The following FAM3B variants were observed in gnomAD, a reference collection of about 807,000 sequenced individuals.
FAM3B encodes the protein protein FAM3B.
A neutral mutation model predicts 28.4 loss-of-function variants in FAM3B; 29 were observed. The ratio of observed to expected loss-of-function variants is 1.02; its 90% CI spans 0.76 to 1.39. The LOEUF (loss-of-function observed/expected upper bound fraction) is 1.39. Ranked by LOEUF, FAM3B falls within the 40% of genes most tolerant of loss-of-function variation. The pLI, the probability that FAM3B is intolerant of heterozygous loss-of-function variation, is 0.00. For synonymous variants in FAM3B, 91 were observed against 103.0 expected, an observed-to-expected ratio of 0.88 and a Z score of 0.71; for missense variants, 266 against 293.9, an observed-to-expected ratio of 0.91 and a Z score of 0.69.
rs755786039 is a variant in FAM3B at position 41,326,647 on chromosome 21, G to A, written c.163+3581G>A. On this transcript the variant is annotated intron_variant, in intron 2 of 7. Coordinates refer to ENST00000357985, the MANE Select transcript of FAM3B (RefSeq NM_058186.4). The surrounding 1 kb of genome is among the most constrained non-coding windows in gnomAD (Gnocchi z 4.0). ...ACCTGCTCGTTCTGCTGCCGATCCCGTAGGGGAAGTCCCTGGGGAGAGCAT... is the reference window on the plus strand; with the variant it reads ...ACCTGCTCGTTCTGCTGCCGATCCCATAGGGGAAGTCCCTGGGGAGAGCAT... 3.3e-5 allele frequency among the ~76,000 whole-genome samples: 5 copies of A among 152,238 alleles called. No individual in the cohort carries two copies. The highest frequency in any genetic ancestry group is 3.8e-4 in the East Asian group (2 of 5,196).
In FAM3B at chr21:41,348,707, G is replaced by A. The variant is rs534909446; in HGVS notation, c.601G>A (p.Glu201Lys). ...AGCAAAAGGCTTGGAACTCCCTTCC[G>A]AAATTCAGAGAGAAAAGGTGAGTGG... Reference protein sequence around the residue: ...IAAKGLELPSEIQREKINHSD... With the variant: ...IAAKGLELPSKIQREKINHSD... The change falls in exon 7 of 8, where the codon GAA (glutamate) becomes AAA (lysine). Residue 201 changes from glutamate to lysine, a missense_variant. Physicochemically the swap from Glu to Lys is moderately conservative, Grantham distance 56. Coordinates refer to ENST00000357985, the MANE Select transcript of FAM3B (RefSeq NM_058186.4). 2.7e-5 allele frequency: 44 copies of A among 1,614,196 alleles called. No individual in the cohort carries two copies. The highest frequency in any genetic ancestry group is 1.6e-4 in the Middle Eastern group (1 of 6,062).
chr21:41,317,975 G>A (rs1318955363), intron 1 of FAM3B, among the ~76,000 whole-genome samples: 1 of 152,110 alleles, frequency 6.6e-6, no homozygotes, highest in African/African-American at 2.4e-5. Flanking sequence ...TTAGGGCACC[G>A]ACTTTCATTA....
At chr21:41,330,979 A>T (rs190341460) in intron 2 of FAM3B, among the ~76,000 whole-genome samples, 2 of 152,348 alleles carry the variant, frequency 1.3e-5, no homozygotes, top group African/African-American at 4.8e-5. Context: ...TTGCTTTATC[A>T]TATATTCTAC....
intron 2 of FAM3B, among the ~76,000 whole-genome samples, chr21:41,331,592 T>C (rs1601358830): frequency 6.6e-6 from 1 of 152,190 alleles, no homozygotes; most frequent in Non-Finnish European, 1.5e-5. Flanking sequence ...GTCATTAATT[T>C]ATTTTGAGTT....
chr21:41,331,175 T>G (rs948945878), intron 2 of FAM3B, among the ~76,000 whole-genome samples: 4 of 152,264 alleles, frequency 2.6e-5, no homozygotes, highest in Admixed American at 2.0e-4. Context: ...TGCATTGCCC[T>G]GATTATTAGT....
intron 1 of FAM3B, 40 bp downstream of exon 1, chr21:41,316,938 G>T: frequency 7.6e-7 from 1 of 1,310,280 alleles, no homozygotes; most frequent in Non-Finnish European, 9.7e-7. Flanking sequence ...TAGGGGCGGG[G>T]AAGGAGGACC....
At position 41,338,443 on chromosome 21, in the gene FAM3B, A is replaced by G; in HGVS notation, c.229A>G (p.Arg77Gly). 1.9e-6 allele frequency: 3 copies of G among 1,614,194 alleles called. No individual in the cohort carries two copies. The highest frequency in any genetic ancestry group is 2.5e-6 in the Non-Finnish European group (3 of 1,180,010). Residue 77 changes from arginine to glycine, a missense_variant, in exon 3 of 8, where the codon AGG becomes GGG. Arg to Gly is a moderately radical substitution (Grantham distance 125). Coordinates refer to ENST00000357985, the MANE Select transcript of FAM3B (RefSeq NM_058186.4). ...CTGCCCATCTGACACCTATGCCTAC[A>G]GGTTACTCAGCGGAGGTGGCAGAAG... is the stretch of plus-strand genomic sequence containing the variant. The part of the protein sequence containing the change: ...TPCPSDTYAY[R>G]LLSGGGRSKY...
chr21:41,322,156 T>C (rs1354779547), intron 1 of FAM3B, among the ~76,000 whole-genome samples: 1 of 152,106 alleles, frequency 6.6e-6, no homozygotes, highest in Non-Finnish European at 1.5e-5. Flanking sequence ...CTAAAAGCCC[T>C]GGCCATGGGT....
intron 2 of FAM3B, among the ~76,000 whole-genome samples, chr21:41,323,515 A>T (rs1032871785): frequency 2.0e-5 from 3 of 152,224 alleles, no homozygotes; most frequent in African/African-American, 4.8e-5. Context: ...CGGTGAACAC[A>T]CGGCCTCAAC....
At chr21:41,352,294 C>T (rs2089127840) in intron 7 of FAM3B, among the ~76,000 whole-genome samples, 1 of 152,160 alleles carries the variant, frequency 6.6e-6, no homozygotes, top group Non-Finnish European at 1.5e-5. Context: ...ATGCCTCCCT[C>T]CATGCAGGGG....
At chr21:41,308,500 C>T (rs2088693063) in intron 1 of FAM3B, among the ~76,000 whole-genome samples, 1 of 151,796 alleles carries the variant, frequency 6.6e-6, no homozygotes, top group Admixed American at 6.6e-5. Flanking sequence ...AGTTTGGGTG[C>T]CAGTCTTTTG....
At chr21:41,338,721 G>A (rs988004955) in intron 3 of FAM3B, among the ~76,000 whole-genome samples, 1 of 152,208 alleles carries the variant, frequency 6.6e-6, no homozygotes, top group Admixed American at 6.5e-5. Context: ...TGTGTTTAAT[G>A]GTTTTACGGT....
chr21:41,315,546 C>G (rs1454200763), upstream of FAM3B, among the ~76,000 whole-genome samples: 1 of 152,090 alleles, frequency 6.6e-6, no homozygotes, highest in African/African-American at 2.4e-5. Context: ...TTAAGGGAGT[C>G]GTTCCAACTA....
chr21:41,316,260 C>T (rs1175514128), upstream of FAM3B, among the ~76,000 whole-genome samples: 2 of 152,186 alleles, frequency 1.3e-5, no homozygotes, highest in Non-Finnish European at 2.9e-5. Context: ...CTGGGCATGG[C>T]CCTCGCTTCA....
chr21:41,338,746 G>C (rs954009486), intron 3 of FAM3B, among the ~76,000 whole-genome samples: 4 of 152,216 alleles, frequency 2.6e-5, no homozygotes, highest in African/African-American at 9.6e-5. Context: ...TTTGACTGCA[G>C]TTGTACTTAG....
exon 1 of FAM3B, chr21:41,304,243 G>A: frequency 2.2e-6 from 1 of 455,954 alleles, no homozygotes; most frequent in East Asian, 7.0e-5. Flanking sequence ...GGCTGGGCTC[G>A]GCGGGCATGG....
At chr21:41,337,933 G>A (rs1166492360) in intron 2 of FAM3B, among the ~76,000 whole-genome samples, 3 of 151,988 alleles carry the variant, frequency 2.0e-5, no homozygotes. Context: ...TATGTGGCAT[G>A]TTGTGTGATG....
In FAM3B at chr21:41,339,888, G is replaced by A. The variant is rs914053804; in HGVS notation, c.287+1387G>A. Among the ~76,000 whole-genome samples the A allele has an allele frequency of 2.0e-5, 3 of 152,144 alleles. No homozygotes were observed. In the South Asian group the frequency reaches 6.2e-4, roughly 31 times the overall value. ...GCTCATGCAATTATGGAGGCCAAGA[G>A]GTCCCACGACAGGCCATCTGCAAGC... is the stretch of plus-strand genomic sequence containing the variant. On this transcript the variant is annotated intron_variant, in intron 3 of 7. Coordinates refer to ENST00000357985, the MANE Select transcript of FAM3B (RefSeq NM_058186.4).
intron 3 of FAM3B, among the ~76,000 whole-genome samples, chr21:41,339,036 G>A (rs2088981096): frequency 6.6e-6 from 1 of 152,196 alleles, no homozygotes; most frequent in Admixed American, 6.5e-5. Context: ...TTTATTTTAT[G>A]ATCCTCACCT....
Sources: gnomAD v4.1 joint callset for allele counts (sites outside exome capture counted in the v4.1 genomes callset) on GRCh38, gnomAD v4.1.1 for gene constraint, Gnocchi (gnomAD v3.1) non-coding constraint, MANE v1.5 for transcripts, NCBI Gene and HGNC (gene_info 2026-07-23, HGNC 2026-07-21) for gene names.